LTBP1: variants seen among roughly 807,000 people sequenced by gnomAD.
LTBP1 encodes latent transforming growth factor beta binding protein 1.
In LTBP1, 129 loss-of-function variants were observed where a neutral mutation model predicts 207.6. The ratio of observed to expected loss-of-function variants is 0.62; its 90% confidence interval spans 0.54 to 0.72. The LOEUF (loss-of-function observed/expected upper bound fraction) is 0.72. Among genes scored for constraint, LTBP1 ranks in the 30% least tolerant of loss-of-function variants. The pLI is 0.00. For synonymous variants in LTBP1, 963 were observed against 833.7 expected, an observed-to-expected ratio of 1.16 and a Z score of -2.67; for missense variants, 2,281 against 2,217.2, an observed-to-expected ratio of 1.03 and a Z score of -0.58.
At chr2:33,215,767 A>G (rs753621630) in intron 7 of LTBP1, among the ~76,000 whole-genome samples, 24 of 137,084 alleles carry the variant, frequency 1.8e-4, no homozygotes, top group Middle Eastern at 4.8e-3. Flanking sequence ...GCCAGGCTGG[A>G]GTGCAGTGGT....
chr2:33,226,387 G>T (rs1055104307), intron 9 of LTBP1, among the ~76,000 whole-genome samples: 16 of 152,218 alleles, frequency 1.1e-4, no homozygotes, highest in African/African-American at 3.9e-4. Context: ...CCTAGCCTGA[G>T]AGGGTTTTTG....
intron 3 of LTBP1, among the ~76,000 whole-genome samples, chr2:33,080,189 G>T (rs1490441725): frequency 1.3e-5 from 2 of 152,028 alleles, no homozygotes; most frequent in East Asian, 3.9e-4. Flanking sequence ...ACCATGCCTG[G>T]CTAATTTTTC....
chr2:33,211,483 T>TG (rs2090307175), intron 7 of LTBP1, among the ~76,000 whole-genome samples: 1 of 152,152 alleles, frequency 6.6e-6, no homozygotes, highest in Admixed American at 6.5e-5. Context: ...CACAATCCTT[T>TG]GGGGTTGGGA....
chr2:33,115,037 T>TATACACACACACAC lies in LTBP1; in HGVS notation c.1033+4287_1033+4288insTACACACACACACA, dbSNP rs869158793. Among the ~76,000 whole-genome samples the TATACACACACACAC allele has an allele frequency of 4.8e-3, 700 of 145,234 alleles. 1 individual carries two copies. The highest frequency in any genetic ancestry group is 6.7e-3 in the Non-Finnish European group (445 of 66,620). ...ATGAAGGGATAAACAAACAGATATATACACACACACACACACACACACACA... is the reference window on the plus strand; with the variant it reads ...ATGAAGGGATAAACAAACAGATATATATACACACACACACACACACACACACACACACACACACA... On this transcript the variant is annotated intron_variant, in intron 4 of 33. Coordinates refer to ENST00000404816, the MANE Select transcript of LTBP1 (RefSeq NM_206943.4).
chr2:33,123,157 AC>A (rs2081244659), intron 4 of LTBP1, among the ~76,000 whole-genome samples: 1 of 152,122 alleles, frequency 6.6e-6, no homozygotes, highest in Non-Finnish European at 1.5e-5. Flanking sequence ...GTTCCCTGAG[AC>A]CCCTGCAACA....
chr2:33,293,598 G>A (rs1344720895), intron 20 of LTBP1, among the ~76,000 whole-genome samples: 5 of 151,922 alleles, frequency 3.3e-5, no homozygotes, highest in Admixed American at 2.6e-4. Flanking sequence ...AAAAACCATT[G>A]AATTGTACAT....
In LTBP1 at chr2:33,361,564, A is replaced by G. The variant is rs1312121688; in HGVS notation, c.4270+49A>G. The G allele has an allele frequency of 3.0e-6, 4 of 1,316,614 alleles. No individual in the cohort carries two copies. The East Asian group carries it at 9.3e-5, about 30-fold the overall frequency. The allele number at this position is 1,316,614 out of a possible 1,614,324, so 81.6% of individuals were successfully genotyped here. ...TTTCAGCACATTGTGTACATGTCAG[A>G]TATTCAAGTGAAAACATGGCTTGGG... On this transcript the variant is annotated intron_variant, in intron 28 of 33. Coordinates refer to ENST00000404816, the MANE Select transcript of LTBP1 (RefSeq NM_206943.4).
intron 26 of LTBP1, among the ~76,000 whole-genome samples, chr2:33,357,724 T>C (rs1238216558): frequency 6.6e-6 from 1 of 152,234 alleles, no homozygotes; most frequent in Non-Finnish European, 1.5e-5. Context: ...AGCCTCTTCA[T>C]GCAAATTGAA....
chr2:33,254,852 GTTTTT>G (rs70938393), intron 11 of LTBP1, among the ~76,000 whole-genome samples: 11 of 10,356 alleles, frequency 1.1e-3, no homozygotes, highest in African/African-American at 3.8e-3. Context: ...GCGGTGTTTG[GTTTTT>G]TTTTTTTTTT....
In LTBP1 at chr2:33,263,315, C is replaced by T. The variant is rs1219898543; in HGVS notation, c.2540C>T (p.Pro847Leu). 4.3e-6 allele frequency: 7 copies of T among 1,613,300 alleles called. No homozygotes were observed. Among genetic ancestry groups the T allele is most frequent in the South Asian group, 1.1e-5 (1 of 91,072 alleles). Residue 847 changes from proline to leucine, a missense_variant, in exon 15 of 34, where the codon CCT (proline) becomes CTT (leucine). By Grantham distance (98) the Pro-to-Leu change is moderately conservative. This residue lies in a region of LTBP1 where 1,671 missense variants were observed against 1,634.8 expected (regional missense o/e 1.02). Coordinates refer to ENST00000404816, the MANE Select transcript of LTBP1 (RefSeq NM_206943.4). ...ATAGTAGTGATTGAAAAAACATCAC[C>T]TCCTGTGCCTGTTGAAGTAGCTCCT... is the stretch of plus-strand genomic sequence containing the variant. ...QFPVVIEKTS[P>L]PVPVEVAPEA...
At chr2:32,985,926 A>T (rs1683489852) in intron 2 of LTBP1, among the ~76,000 whole-genome samples, 1 of 151,642 alleles carries the variant, frequency 6.6e-6, no homozygotes, top group Non-Finnish European at 1.5e-5. Flanking sequence ...CTCCCTTCTC[A>T]CACCTATAAG....
chr2:33,173,252 C>T (rs1042919848), intron 5 of LTBP1, among the ~76,000 whole-genome samples: 8 of 151,244 alleles, frequency 5.3e-5, no homozygotes, highest in East Asian at 1.9e-4. Flanking sequence ...ATTGATAGAC[C>T]GCTAGCAAGA....
chr2:33,237,096 C>T (rs1259522779), intron 9 of LTBP1, among the ~76,000 whole-genome samples: 2 of 152,094 alleles, frequency 1.3e-5, no homozygotes, highest in Non-Finnish European at 2.9e-5. Flanking sequence ...CACGAAGAGA[C>T]TCATACAATA....
chr2:33,084,172 G>A (rs375383763), intron 3 of LTBP1, among the ~76,000 whole-genome samples: 6 of 152,110 alleles, frequency 3.9e-5, no homozygotes, highest in East Asian at 1.9e-4. Flanking sequence ...AAAAAAACAC[G>A]GAAAGTTTCT....
chr2:32,948,219 C>T (rs901559807), intron 1 of LTBP1, among the ~76,000 whole-genome samples: 2 of 152,158 alleles, frequency 1.3e-5, no homozygotes, highest in East Asian at 3.9e-4. Flanking sequence ...AAAAATGTTT[C>T]GAGGGCGGGC....
At chr2:32,948,176 C>T (rs1422346654) in intron 1 of LTBP1, among the ~76,000 whole-genome samples, 5 of 152,178 alleles carry the variant, frequency 3.3e-5, no homozygotes, top group Non-Finnish European at 7.3e-5. Flanking sequence ...TTAAACTCTG[C>T]AACTGAGTTT....
chr2:32,947,821 A>T lies in LTBP1; in HGVS notation c.494+3A>T. 7.2e-7 allele frequency: 1 copy of T among 1,396,978 alleles called. No homozygotes were observed. Among genetic ancestry groups the T allele is most frequent in the Non-Finnish European group, 9.4e-7 (1 of 1,066,462 alleles). 86.5% of individuals were successfully genotyped at this position (1,396,978 alleles called of 1,614,324 possible). On this transcript the variant is annotated splice_donor_region_variant and intron_variant, in intron 1 of 33. Transcript: ENST00000404816. ...CACCAGAAGCAGCAGCTGCAGGGGT[A>T]AGCCCACACCCCCTTCCGCCCGCCC...
At chr2:33,154,809 T>A (rs2083829026) in intron 5 of LTBP1, among the ~76,000 whole-genome samples, 1 of 152,156 alleles carries the variant, frequency 6.6e-6, no homozygotes, top group East Asian at 1.9e-4. Flanking sequence ...ACACTTATAA[T>A]CCTAGCACTT....
intron 2 of LTBP1, among the ~76,000 whole-genome samples, chr2:33,008,331 T>G (rs1687211465): frequency 6.6e-6 from 1 of 152,252 alleles, no homozygotes; most frequent in Admixed American, 6.5e-5. Context: ...CTGTCTCACA[T>G]ATTGTTTAGA....
Sources: gnomAD v4.1 joint callset for allele counts (sites outside exome capture counted in the v4.1 genomes callset) on GRCh38, gnomAD v4.1.1 for gene constraint, gnomAD v4.1.1 regional missense constraint, MANE v1.5 for transcripts, NCBI Gene and HGNC (gene_info 2026-07-23, HGNC 2026-07-21) for gene names.